ARHGAP6: variants seen among roughly 807,000 people sequenced by gnomAD.
ARHGAP6 encodes the protein Rho GTPase activating protein 6.
Under a neutral mutation model 55.7 loss-of-function variants are expected in ARHGAP6, and 16 were observed. That is an observed-to-expected ratio of 0.29 (90% CI 0.19 to 0.44). ARHGAP6 has a LOEUF of 0.44. ARHGAP6 is among the 20% of genes least tolerant of loss of function. ARHGAP6 has a pLI of 1.00. For missense variants in ARHGAP6, 698 were observed against 808.9 expected, an observed-to-expected ratio of 0.86 and a Z score of 1.66; for synonymous variants, 382 against 360.9, an observed-to-expected ratio of 1.06 and a Z score of -0.66.
intron 1 of ARHGAP6, 27 bp downstream of exon 1, chrX:11,664,214 C>T (rs1241767127): frequency 1.8e-5 from 21 of 1,170,355 alleles, no homozygotes; most frequent in Non-Finnish European, 2.3e-5. Context: ...CTCCTTGGGC[C>T]GTGGGACGCG....
chrX:11,629,631 T>C (rs973014762), intron 1 of ARHGAP6, among the ~76,000 whole-genome samples: 2 of 110,291 alleles, frequency 1.8e-5, no homozygotes, highest in Non-Finnish European at 3.8e-5. Context: ...AAGGAAGCAT[T>C]CCATTATTAA....
intron 1 of ARHGAP6, among the ~76,000 whole-genome samples, chrX:11,397,043 A>T (rs1268567029): frequency 9.0e-6 from 1 of 111,525 alleles, no homozygotes; most frequent in Non-Finnish European, 1.9e-5. Flanking sequence ...AGTAGATGGT[A>T]TCATTACTAG....
intron 1 of ARHGAP6, among the ~76,000 whole-genome samples, chrX:11,401,925 G>A (rs766182926): frequency 1.8e-5 from 2 of 111,850 alleles, no homozygotes; most frequent in South Asian, 7.4e-4. Flanking sequence ...ATAATTGAAG[G>A]AGATCTGATA....
Position 11,664,610 on chromosome X carries a change from C to G in ARHGAP6, c.219G>C (p.Glu73Asp), listed in dbSNP as rs1230588546. 6.0e-6 allele frequency: 7 copies of G among 1,171,270 alleles called. No homozygotes were observed. Among genetic ancestry groups the G allele is most frequent in the Non-Finnish European group, 8.0e-6 (7 of 875,348 alleles). Residue 73 changes from glutamate (E) to aspartate (D), a missense_variant, in exon 1 of 13, where the codon GAG becomes GAC. Coordinates refer to ENST00000337414, the MANE Select transcript of ARHGAP6 (RefSeq NM_013427.3). Reference sequence around the variant, plus strand: ...AGGACGCCAAGCGAGGGCCGAGACTCTCGGCTGGGAGTGATGGGGAGTAGA... The same window carrying G: ...AGGACGCCAAGCGAGGGCCGAGACTGTCGGCTGGGAGTGATGGGGAGTAGA... The part of the protein sequence containing the change: ...GRLYSPSLPA[E>D]SLGPRLASSS...
Position 11,137,600 on chromosome X carries a change from G to C in ARHGAP6, c.*1263C>G, listed in dbSNP as rs1399982619. On this transcript the variant is annotated 3_prime_UTR_variant, in exon 13 of 13. Transcript: ENST00000337414. ...GATAGAACCTTAAGAAACACCACTG[G>C]GAATTTCATCACCAACATGAAAATT... is the stretch of plus-strand genomic sequence containing the variant. 9.2e-6 allele frequency: 1 copy of C among 108,933 alleles called. No homozygotes were observed. Among genetic ancestry groups the C allele is most frequent in the East Asian group, 2.9e-4 (1 of 3,508 alleles). 9.0% of individuals were successfully genotyped at this position (108,933 alleles called of 1,213,427 possible).
intron 1 of ARHGAP6, among the ~76,000 whole-genome samples, chrX:11,516,982 C>A (rs12014238): frequency 5.4e-5 from 6 of 111,514 alleles, no homozygotes; most frequent in African/African-American, 1.3e-4. Context: ...TCTTCTATAT[C>A]TATCCGCGAG....
intron 2 of ARHGAP6, among the ~76,000 whole-genome samples, chrX:11,230,386 C>T (rs1179182686): frequency 2.7e-5 from 3 of 110,541 alleles, no homozygotes; most frequent in South Asian, 3.8e-4. Context: ...TTAGTAGAGA[C>T]GGGGTTTCAG....
At chrX:11,354,327 C>CTCTCTCTATA (rs1343744315) in intron 1 of ARHGAP6, among the ~76,000 whole-genome samples, 63 of 32,352 alleles carry the variant, frequency 1.9e-3, no homozygotes, top group Non-Finnish European at 2.6e-3. Flanking sequence ...CTCTCTCTCT[C>CTCTCTCTATA]TATATATATA....
chrX:11,489,302 A>T (rs2147846141), intron 1 of ARHGAP6, among the ~76,000 whole-genome samples: 1 of 112,233 alleles, frequency 8.9e-6, no homozygotes, highest in South Asian at 3.7e-4. Flanking sequence ...GAGTCAATTC[A>T]GGTGTATGAC....
intron 1 of ARHGAP6, among the ~76,000 whole-genome samples, chrX:11,604,932 C>G (rs1569056421): frequency 1.8e-5 from 2 of 111,689 alleles, no homozygotes; most frequent in East Asian, 2.8e-4. Context: ...AGCCAGTTCC[C>G]TGGGGCCAAG....
intron 1 of ARHGAP6, among the ~76,000 whole-genome samples, chrX:11,617,899 C>A (rs2052183871): frequency 9.0e-6 from 1 of 111,112 alleles, no homozygotes; most frequent in South Asian, 3.8e-4. Flanking sequence ...GTGGTTGACC[C>A]CATTTCTCAA....
At chrX:11,643,961 A>C in intron 1 of ARHGAP6, among the ~76,000 whole-genome samples, 1 of 111,903 alleles carries the variant, frequency 8.9e-6, no homozygotes, top group East Asian at 2.8e-4. Context: ...CTCTTTCCAC[A>C]TCAACCAGAC....
chrX:11,385,150 G>A (rs1345683056), intron 1 of ARHGAP6, among the ~76,000 whole-genome samples: 1 of 111,433 alleles, frequency 9.0e-6, no homozygotes, highest in Non-Finnish European at 1.9e-5. Context: ...CTAGTTCTTG[G>A]TGTCTTGGTC....
At chrX:11,185,708 AG>A (rs1052083427) in intron 5 of ARHGAP6, among the ~76,000 whole-genome samples, 1 of 112,239 alleles carries the variant, frequency 8.9e-6, no homozygotes, top group Non-Finnish European at 1.9e-5. Flanking sequence ...TGAGTTGCAA[AG>A]GGTGGCTTGG....
At chrX:11,519,288 C>T (rs1369794727) in intron 1 of ARHGAP6, among the ~76,000 whole-genome samples, 1 of 109,318 alleles carries the variant, frequency 9.1e-6, no homozygotes, top group African/African-American at 3.4e-5. Flanking sequence ...ACATCCTCCC[C>T]AGCACCTGTT....
At chrX:11,648,072 A>C (rs968158840) in intron 1 of ARHGAP6, among the ~76,000 whole-genome samples, 48 of 112,244 alleles carry the variant, frequency 4.3e-4, no homozygotes, top group African/African-American at 1.5e-3. Flanking sequence ...TAGACAGGAA[A>C]AATAAGTTCT....
chrX:11,581,982 CA>C (rs200137377), intron 1 of ARHGAP6, among the ~76,000 whole-genome samples: 6 of 110,214 alleles, frequency 5.4e-5, no homozygotes, highest in East Asian at 5.6e-4. Context: ...CTTAGAACAA[CA>C]AAAAAAAACT....
intron 1 of ARHGAP6, among the ~76,000 whole-genome samples, chrX:11,633,437 G>A (rs2052382096): frequency 9.0e-6 from 1 of 111,504 alleles, no homozygotes; most frequent in African/African-American, 3.3e-5. Flanking sequence ...ACCTTCTTCT[G>A]AGGGACTGAG....
chrX:11,431,726 T>C (rs2049942254), intron 1 of ARHGAP6, among the ~76,000 whole-genome samples: 2 of 112,444 alleles, frequency 1.8e-5, no homozygotes, highest in African/African-American at 6.5e-5. Flanking sequence ...ATCAATAGCA[T>C]ATAATGTGCA....
Sources: allele counts gnomAD v4.1 joint callset (sites outside exome capture counted in the v4.1 genomes callset), GRCh38; gene constraint gnomAD v4.1.1; transcripts MANE v1.5; gene names NCBI Gene and HGNC (gene_info 2026-07-23, HGNC 2026-07-21).